The following LAMA4 variants were observed in gnomAD, a reference collection of about 807,000 sequenced individuals.
LAMA4 encodes laminin subunit alpha 4, also known as laminin subunit alpha-4.
A neutral mutation model predicts 207.1 loss-of-function variants in LAMA4; 127 were observed. The ratio of observed to expected loss-of-function variants is 0.61; its 90% confidence interval spans 0.53 to 0.71. The LOEUF (loss-of-function observed/expected upper bound fraction) is 0.71, where lower values mean the gene tolerates loss of function less well. LAMA4 is among the 30% of genes least tolerant of loss of function. The pLI, the probability that LAMA4 is intolerant of heterozygous loss-of-function variation, is 0.00. For synonymous variants in LAMA4, 761 were observed against 816.0 expected (o/e 0.93, Z 1.15); for missense variants, 2,093 against 2,246.5 (o/e 0.93, Z 1.38).
chr6:112,190,947 C>CTTTCTTTCTTTCTTTCTTTCCTTTCTTT (rs1491586717), intron 6 of LAMA4, among the ~76,000 whole-genome samples: 1 of 40,472 alleles, frequency 2.5e-5, no homozygotes, highest in African/African-American at 1.1e-4. Flanking sequence ...TTCTTTCTTT[C>CTTTCTTTCTTTCTTTCTTTCCTTTCTTT]CTTTCTTTCT....
intron 17 of LAMA4, 41 bp downstream of exon 17, chr6:112,150,470 G>T: frequency 8.2e-7 from 1 of 1,214,042 alleles, no homozygotes; most frequent in South Asian, 1.2e-5. Flanking sequence ...TTACACTCCA[G>T]TGAATCAACA....
chr6:112,187,731 T>A lies in LAMA4; in HGVS notation c.815-130A>T, dbSNP rs1782779259. On this transcript the variant is annotated intron_variant, in intron 7 of 38. Transcript: ENST00000230538. The stretch of plus-strand genomic sequence containing the variant: ...TTTTTGTCTCATGAAGAGCTGTAAT[T>A]CTATTCTTGTCAGGCTTTAGTATCT... 3.2e-6 allele frequency: 3 copies of A among 934,962 alleles called. No individual in the cohort carries two copies. In the East Asian group the frequency reaches 7.8e-5, roughly 24 times the overall value. The allele number at this position is 934,962 out of a possible 1,614,324, so 57.9% of individuals were successfully genotyped here.
chr6:112,217,369 C>T (rs1554359083), intron 2 of LAMA4, among the ~76,000 whole-genome samples: 1 of 152,152 alleles, frequency 6.6e-6, no homozygotes, highest in African/African-American at 2.4e-5. Flanking sequence ...AATCCGCTCC[C>T]CGCCCATCAG....
At chr6:112,166,822 T>C (rs540190925) in intron 12 of LAMA4, among the ~76,000 whole-genome samples, 1 of 152,236 alleles carries the variant, frequency 6.6e-6, no homozygotes, top group African/African-American at 2.4e-5. Context: ...AATGACACAA[T>C]TGTCACTATT....
chr6:112,114,257 A>G (rs934515853), intron 37 of LAMA4, 62 bp from the exon 38 acceptor site: 11 of 1,547,072 alleles, frequency 7.1e-6, no homozygotes, highest in Admixed American at 1.7e-5. Flanking sequence ...TTAACCTGAG[A>G]AAGACTATTT....
chr6:112,133,082 T>C (rs1168089648), intron 27 of LAMA4, among the ~76,000 whole-genome samples, 192 bp from the exon 28 acceptor site: 1 of 152,184 alleles, frequency 6.6e-6, no homozygotes, highest in Non-Finnish European at 1.5e-5. Flanking sequence ...TCTTCTCCAC[T>C]GACTCCAACC....
intron 2 of LAMA4, among the ~76,000 whole-genome samples, chr6:112,229,706 A>G (rs1785435503): frequency 6.6e-6 from 1 of 152,230 alleles, no homozygotes; most frequent in South Asian, 2.1e-4. Flanking sequence ...TGCACTATCT[A>G]AAGAAAGATG....
At position 112,108,909 on chromosome 6, in the gene LAMA4, C is replaced by A; in HGVS notation, c.*528G>T. Reference sequence around the variant, plus strand: ...TTACTTTATTAAACCTTGATAACTTCAGCTATAAACCTAAAATATTCTTCT... The same window carrying A: ...TTACTTTATTAAACCTTGATAACTTAAGCTATAAACCTAAAATATTCTTCT... On this transcript the variant is annotated 3_prime_UTR_variant, in exon 39 of 39. Coordinates refer to ENST00000230538, the MANE Select transcript of LAMA4 (RefSeq NM_001105206.3). The A allele has an allele frequency of 6.5e-6, 1 of 153,076 alleles. No homozygotes were observed. The highest frequency in any genetic ancestry group is 1.5e-5 in the Non-Finnish European group (1 of 68,614). 9.5% of individuals were successfully genotyped at this position (153,076 alleles called of 1,614,324 possible).
Position 112,172,499 on chromosome 6 carries a change from A to G in LAMA4, c.1551+112T>C, listed in dbSNP as rs879991169. ...AAAAAACACACCAATATTTTAAAATATAAGTATTTAACTATACCAATATTT... is the reference window on the plus strand; with the variant it reads ...AAAAAACACACCAATATTTTAAAATGTAAGTATTTAACTATACCAATATTT... On this transcript the variant is annotated intron_variant, in intron 12 of 38. Coordinates refer to ENST00000230538, the MANE Select transcript of LAMA4 (RefSeq NM_001105206.3). 4.8e-5 allele frequency: 45 copies of G among 940,154 alleles called. No homozygotes were observed. In the Admixed American group the frequency reaches 8.1e-4, roughly 17 times the overall value. 58.2% of individuals were successfully genotyped at this position (940,154 alleles called of 1,614,324 possible).
chr6:112,241,160 TGAA>T (rs1786446427), intron 2 of LAMA4, among the ~76,000 whole-genome samples: 1 of 56,016 alleles, frequency 1.8e-5, no homozygotes, highest in Non-Finnish European at 4.2e-5. Context: ...AATATATATA[TGAA>T]TATATATGAA....
chr6:112,117,803 A>C lies in LAMA4; in HGVS notation c.4917T>G (p.Pro1639=). The C allele has an allele frequency of 1.2e-6, 2 of 1,613,804 alleles. No individual in the cohort carries two copies. Among genetic ancestry groups the C allele is most frequent in the Non-Finnish European group, 8.5e-7 (1 of 1,179,794 alleles). The change falls in exon 35 of 39, where the codon CCT becomes CCG. Residue 1639 remains proline (P), a synonymous_variant. Coordinates refer to ENST00000230538, the MANE Select transcript of LAMA4 (RefSeq NM_001105206.3). This position sits in a 1 kb window ranked among gnomAD's most constrained non-coding sequence, Gnocchi z 4.5. ...TSASQTFSVT[P]CFEGPMETGT... ...CTGTTTCCATGGGGCCTTCAAAGCA[A>C]GGGGTCACACTGAATGTCTGAGAAG... is the stretch of plus-strand genomic sequence containing the variant.
intron 13 of LAMA4, among the ~76,000 whole-genome samples, chr6:112,160,322 G>A (rs1314571258): frequency 2.0e-5 from 3 of 151,998 alleles, no homozygotes; most frequent in Non-Finnish European, 2.9e-5. Flanking sequence ...AGAGGAAAAT[G>A]TTCATTTTCT....
At chr6:112,138,053 T>A (rs533079110) in intron 24 of LAMA4, among the ~76,000 whole-genome samples, 1 of 152,270 alleles carries the variant, frequency 6.6e-6, no homozygotes, top group East Asian at 1.9e-4. Flanking sequence ...ATGGGAACAA[T>A]GTAAATGCAA....
Position 112,224,455 on chromosome 6 carries a change from T to A in LAMA4, c.196-7986A>T, listed in dbSNP as rs540640442. On this transcript the variant is annotated intron_variant, in intron 2 of 38. Coordinates refer to ENST00000230538, the MANE Select transcript of LAMA4 (RefSeq NM_001105206.3). ...CATGCTATGCTGATCCATGCCTCCATCCATCGTCTGGCTCTGCTTCCATTG... is the reference window on the plus strand; with the variant it reads ...CATGCTATGCTGATCCATGCCTCCAACCATCGTCTGGCTCTGCTTCCATTG... 5.3e-5 allele frequency among the ~76,000 whole-genome samples: 8 copies of A among 152,274 alleles called. No homozygotes were observed. In the South Asian group the frequency reaches 1.7e-3, roughly 32 times the overall value.
chr6:112,135,068 C>T (rs1779260132), intron 25 of LAMA4, among the ~76,000 whole-genome samples: 1 of 151,966 alleles, frequency 6.6e-6, no homozygotes, highest in South Asian at 2.1e-4. Flanking sequence ...AGGTAAGAGA[C>T]ATATCACACA....
At chr6:112,131,308 A>G (rs1779018381) in intron 28 of LAMA4, among the ~76,000 whole-genome samples, 1 of 152,126 alleles carries the variant, frequency 6.6e-6, no homozygotes, top group Non-Finnish European at 1.5e-5. Flanking sequence ...CAGTAGAAAA[A>G]TGTATCTCCT....
intron 29 of LAMA4, among the ~76,000 whole-genome samples, chr6:112,130,525 TTTC>T (rs1778976059): frequency 6.6e-6 from 1 of 151,972 alleles, no homozygotes; most frequent in Non-Finnish European, 1.5e-5. Flanking sequence ...TTCCAGAAAA[TTTC>T]TTATTATGAA....
At chr6:112,187,092 C>A (rs1782730372) in intron 8 of LAMA4, among the ~76,000 whole-genome samples, 2 of 152,280 alleles carry the variant, frequency 1.3e-5, no homozygotes, top group African/African-American at 4.8e-5. Flanking sequence ...GAAATGGTAG[C>A]CTTGCAGTAC....
chr6:112,116,049 T>C (rs982791383), intron 35 of LAMA4, 56 bp from the exon 36 acceptor site: 17 of 1,511,392 alleles, frequency 1.1e-5, no homozygotes, highest in Non-Finnish European at 1.6e-5. Context: ...TTTGTAACTA[T>C]GGTGTGATTT....
Sources: allele counts gnomAD v4.1 joint callset (sites outside exome capture counted in the v4.1 genomes callset), GRCh38; gene constraint gnomAD v4.1.1; non-coding constraint Gnocchi (gnomAD v3.1); transcripts MANE v1.5; gene names NCBI Gene and HGNC (gene_info 2026-07-23, HGNC 2026-07-21).